Variants in PCDH11X observed in about 807,000 individuals in gnomAD.
The protein encoded by PCDH11X is protocadherin 11 X-linked.
Under a neutral mutation model 53.3 loss-of-function variants are expected in PCDH11X, and 18 were observed. That is an observed-to-expected ratio of 0.34 (90% CI 0.23 to 0.50). The LOEUF (loss-of-function observed/expected upper bound fraction) is 0.50, where lower values mean the gene tolerates loss of function less well. PCDH11X is among the 20% of genes least tolerant of loss of function. The probability of loss-of-function intolerance (pLI) is 0.98; values close to 1 mark genes in which losing one functional copy is unlikely to be tolerated. For synonymous variants in PCDH11X, 279 were observed against 393.3 expected (o/e 0.71, Z 3.44); for missense variants, 570 against 1,032.4 (o/e 0.55, Z 6.14).
intron 6 of PCDH11X, among the ~76,000 whole-genome samples, chrX:92,034,693 A>T (rs2063103201): frequency 9.1e-6 from 1 of 109,905 alleles, no homozygotes; most frequent in Admixed American, 9.8e-5. Context: ...TTTTTTATCC[A>T]TTCAGCTGTT....
At chrX:91,793,378 T>C (rs1299617612) in intron 1 of PCDH11X, among the ~76,000 whole-genome samples, 3 of 110,281 alleles carry the variant, frequency 2.7e-5, no homozygotes, top group Non-Finnish European at 5.7e-5. Context: ...TTATATTTAC[T>C]TTTTTAGGAG....
At chrX:92,152,702 T>G (rs1966223804) in intron 6 of PCDH11X, among the ~76,000 whole-genome samples, 1 of 112,195 alleles carries the variant, frequency 8.9e-6, no homozygotes, top group Non-Finnish European at 1.9e-5. Context: ...GTATTAAACA[T>G]TTAAAATTGT....
Position 91,928,597 on chromosome X carries a change from TA to T in PCDH11X, c.3033+49325del, listed in dbSNP as rs1942024604. On this transcript the variant is annotated intron_variant, in intron 6 of 10. Transcript: ENST00000682573. ...TACCCTCAAATTACATTTCAACAAT[TA>T]GTGGTTTGTTGTGTGAGCAAATTTC... Among the ~76,000 whole-genome samples the T allele has an allele frequency of 3.1e-5, 3 of 96,867 alleles. No homozygotes were observed. The South Asian group carries it at 1.6e-3, about 51-fold the overall frequency. 84.1% of individuals were successfully genotyped at this position (96,867 alleles called of 115,157 possible).
chrX:91,949,193 C>T (rs1402735317), intron 6 of PCDH11X, among the ~76,000 whole-genome samples: 2 of 109,809 alleles, frequency 1.8e-5, no homozygotes, highest in Non-Finnish European at 3.8e-5. Context: ...CAGTAAGAAG[C>T]TATTATGATC....
chrX:91,864,970 T>C (rs1938885024), intron 5 of PCDH11X, among the ~76,000 whole-genome samples: 1 of 111,540 alleles, frequency 9.0e-6, no homozygotes, highest in Admixed American at 9.5e-5. Flanking sequence ...TATTTTGAAC[T>C]CTGTTTGAAA....
At chrX:92,166,196 CATT>C (rs1164778545) in intron 6 of PCDH11X, among the ~76,000 whole-genome samples, 5 of 105,097 alleles carry the variant, frequency 4.8e-5, no homozygotes, top group African/African-American at 1.4e-4. Flanking sequence ...AAATATTTCT[CATT>C]AGTATCTATT....
chrX:92,166,571 AAC>A (rs1051956444), intron 6 of PCDH11X, among the ~76,000 whole-genome samples: 21 of 109,788 alleles, frequency 1.9e-4, no homozygotes, highest in African/African-American at 5.6e-4. Context: ...TATTTTAGCA[AAC>A]ACAGAATTTC....
At chrX:92,471,812 G>A (rs2073268777) in intron 10 of PCDH11X, among the ~76,000 whole-genome samples, 1 of 104,789 alleles carries the variant, frequency 9.5e-6, no homozygotes, top group African/African-American at 3.5e-5. Context: ...TGACTGGTGT[G>A]AGATAGTATC....
intron 4 of PCDH11X, among the ~76,000 whole-genome samples, chrX:91,816,164 G>A (rs1438332813): frequency 2.7e-5 from 3 of 110,910 alleles, no homozygotes; most frequent in Non-Finnish European, 5.7e-5. Flanking sequence ...TACGCAAAAT[G>A]CCTATATAAG....
chrX:92,034,619 A>C (rs887996961), intron 6 of PCDH11X, among the ~76,000 whole-genome samples: 1 of 109,236 alleles, frequency 9.2e-6, no homozygotes, highest in Non-Finnish European at 1.9e-5. Flanking sequence ...GTAAATTTTC[A>C]GTCTGTGTGT....
At chrX:91,991,460 G>A (rs1348099614) in intron 6 of PCDH11X, among the ~76,000 whole-genome samples, 1 of 90,989 alleles carries the variant, frequency 1.1e-5, no homozygotes, top group Non-Finnish European at 2.1e-5. Flanking sequence ...TCACCATCAT[G>A]TCTTTCCTTG....
At chrX:92,460,024 C>T in intron 9 of PCDH11X, 1 of 994,799 alleles carries the variant, frequency 1.0e-6, no homozygotes, top group African/African-American at 1.9e-5. Flanking sequence ...GAATAAGGGA[C>T]CCCAGGTCAA....
intron 10 of PCDH11X, among the ~76,000 whole-genome samples, chrX:92,505,071 G>A (rs1359051079): frequency 9.4e-6 from 1 of 106,494 alleles, no homozygotes; most frequent in East Asian, 2.9e-4. Context: ...TTTGTTGGAT[G>A]TATCATTTGA....
At position 92,292,815 on chromosome X, in the gene PCDH11X, C is replaced by A. The variant is rs2068519321; in HGVS notation, c.3144+29672C>A. Among the ~76,000 whole-genome samples, 3 of 111,536 alleles carry A rather than the reference C, an allele frequency of 2.7e-5. No homozygotes were observed. In the South Asian group the frequency reaches 1.1e-3, roughly 42 times the overall value. On this transcript the variant is annotated intron_variant, in intron 8 of 10. Transcript: ENST00000682573. ...GAGGAAAAAGAACTGCAGTGAAAGT[C>A]CAGCAATGAATTATTCAATTCCTTC...
chrX:92,137,196 G>A (rs2759735), intron 6 of PCDH11X, among the ~76,000 whole-genome samples: 1 of 110,489 alleles, frequency 9.1e-6, no homozygotes, highest in South Asian at 3.9e-4. Flanking sequence ...TACATAGACA[G>A]CAGTGTATAC....
At chrX:91,996,032 G>A (rs1398382299) in intron 6 of PCDH11X, among the ~76,000 whole-genome samples, 8 of 106,381 alleles carry the variant, frequency 7.5e-5, no homozygotes, top group Non-Finnish European at 1.2e-4. Context: ...TAGTAGAGAC[G>A]GGGTTTCACC....
chrX:92,148,377 G>C (rs1450979915), intron 6 of PCDH11X, among the ~76,000 whole-genome samples: 1 of 103,833 alleles, frequency 9.6e-6, no homozygotes, highest in Non-Finnish European at 2.0e-5. Flanking sequence ...ACAGGCATGC[G>C]CCGCCACACC....
intron 6 of PCDH11X, among the ~76,000 whole-genome samples, chrX:92,093,379 C>A (rs1411201712): frequency 1.8e-5 from 2 of 111,061 alleles, no homozygotes; most frequent in South Asian, 3.8e-4. Context: ...AATCATGTAA[C>A]CATTTCAGAG....
intron 6 of PCDH11X, among the ~76,000 whole-genome samples, chrX:92,014,660 A>T (rs1406491145): frequency 4.5e-5 from 5 of 112,032 alleles, no homozygotes; most frequent in Non-Finnish European, 9.4e-5. Context: ...GATAGACTGG[A>T]TTAAGAAAAT....
Sources: allele counts gnomAD v4.1 joint callset (sites outside exome capture counted in the v4.1 genomes callset), GRCh38; gene constraint gnomAD v4.1.1; transcripts MANE v1.5; gene names NCBI Gene and HGNC (gene_info 2026-07-23, HGNC 2026-07-21).